NEXN: variants seen among roughly 807,000 people sequenced by gnomAD.
The protein encoded by NEXN is nexilin F-actin binding protein.
NEXN carries 65 observed loss-of-function variants against 92.6 expected under a neutral mutation model. The ratio of observed to expected loss-of-function variants is 0.70; its 90% CI spans 0.57 to 0.86. NEXN has a LOEUF of 0.86. NEXN is among the 40% of genes least tolerant of loss of function. The probability of loss-of-function intolerance (pLI) is 0.00; values close to 1 mark genes in which losing one functional copy is unlikely to be tolerated. For synonymous variants in NEXN, 254 were observed against 242.5 expected (o/e 1.05, Z -0.44); for missense variants, 778 against 771.1 (o/e 1.01, Z -0.11).
Position 77,933,477 on chromosome 1 carries a change from G to C in NEXN, c.1249G>C (p.Glu417Gln). 6.3e-7 allele frequency: 1 copy of C among 1,599,630 alleles called. No individual in the cohort carries two copies. ...TGAACAACTGAGACAGGAAATGGGA[G>C]AGGTAAGATTTTAAGAAATATCTAT... is the stretch of plus-strand genomic sequence containing the variant. ...EFEQLRQEMG[E>Q]EEEENETFGL... Residue 417 changes from glutamate (E) to glutamine (Q), a missense_variant and splice_region_variant, in exon 10 of 13, where the codon GAG (glutamate) becomes CAG (glutamine). Glu to Gln is a conservative substitution (Grantham distance 29). Transcript: ENST00000334785.
chr1:77,922,970 T>C (rs1649551860), intron 5 of NEXN, among the ~76,000 whole-genome samples: 1 of 150,534 alleles, frequency 6.6e-6, no homozygotes, highest in East Asian at 1.9e-4. Context: ...CAAACTTTGC[T>C]CAGAATAATT....
intron 8 of NEXN, 97 bp downstream of exon 8, chr1:77,926,989 AG>A (rs1649902463): frequency 5.5e-6 from 8 of 1,442,786 alleles, no homozygotes; most frequent in Non-Finnish European, 6.7e-6. Context: ...TTTTACATAT[AG>A]AAGGGCTGAT....
chr1:77,930,357 T>G (rs1285732811), intron 9 of NEXN, among the ~76,000 whole-genome samples: 1 of 152,208 alleles, frequency 6.6e-6, no homozygotes, highest in Non-Finnish European at 1.5e-5. Flanking sequence ...TAAATCACTA[T>G]GAAATCTGTC....
chr1:77,895,291 C>T (rs970969692), intron 1 of NEXN, among the ~76,000 whole-genome samples: 2 of 151,566 alleles, frequency 1.3e-5, no homozygotes, highest in Non-Finnish European at 2.9e-5. Flanking sequence ...TTGATCCGCC[C>T]GCCTTGGCCT....
chr1:77,933,530 T>G, intron 10 of NEXN, 51 bp downstream of exon 10: 1 of 1,233,212 alleles, frequency 8.1e-7, no homozygotes, highest in Non-Finnish European at 1.2e-6. Context: ...AGCTAAATAT[T>G]TTACTTATAT....
chr1:77,892,317 C>T (rs988793858), intron 1 of NEXN, among the ~76,000 whole-genome samples: 2 of 151,956 alleles, frequency 1.3e-5, no homozygotes, highest in African/African-American at 4.8e-5. Flanking sequence ...TACCTGTCAC[C>T]CAAATAGTGT....
At chr1:77,925,970 T>A (rs1305907642) in intron 6 of NEXN, among the ~76,000 whole-genome samples, 21 of 152,142 alleles carry the variant, frequency 1.4e-4, no homozygotes, top group South Asian at 8.3e-4. Flanking sequence ...TGTTTTTTTC[T>A]CACTAAATAC....
chr1:77,932,787 TTTTA>T (rs1440313498), intron 9 of NEXN, among the ~76,000 whole-genome samples: 9 of 152,350 alleles, frequency 5.9e-5, no homozygotes, highest in East Asian at 3.9e-4. Flanking sequence ...AATTCTTCCC[TTTTA>T]TTTATTTATT....
chr1:77,912,052 C>T (rs137989711), intron 1 of NEXN, among the ~76,000 whole-genome samples: 4,073 of 149,002 alleles, frequency 0.027, 99 homozygotes, highest in South Asian at 0.11. Flanking sequence ...GCACTCCAGT[C>T]TGGGCGACAG....
At chr1:77,916,173 T>C (rs925318746) in intron 2 of NEXN, 40 bp downstream of exon 2, 1 of 1,512,770 alleles carries the variant, frequency 6.6e-7, no homozygotes, top group South Asian at 1.2e-5. Context: ...AAGAGGGAAA[T>C]GTAGAGTTGA....
At chr1:77,925,906 A>G (rs1321731001) in intron 6 of NEXN, among the ~76,000 whole-genome samples, 1 of 152,036 alleles carries the variant, frequency 6.6e-6, no homozygotes, top group African/African-American at 2.4e-5. Context: ...ATCAAATACC[A>G]GAGAGTTTAT....
intron 1 of NEXN, among the ~76,000 whole-genome samples, chr1:77,893,185 C>T (rs921051057): frequency 3.3e-5 from 5 of 152,002 alleles, no homozygotes; most frequent in Non-Finnish European, 4.4e-5. Context: ...AATTCTACTC[C>T]CTGTCCATTT....
intron 1 of NEXN, among the ~76,000 whole-genome samples, chr1:77,910,762 A>ACC (rs1553235537): frequency 3.7e-5 from 5 of 135,370 alleles, no homozygotes; most frequent in Middle Eastern, 3.8e-3. Flanking sequence ...AAAAAAAAAA[A>ACC]AAAAAAAAAC....
intron 11 of NEXN, among the ~76,000 whole-genome samples, chr1:77,936,756 T>C (rs1650800604): frequency 6.6e-6 from 1 of 152,216 alleles, no homozygotes; most frequent in Non-Finnish European, 1.5e-5. Flanking sequence ...AGAATTGCCA[T>C]CCTATAATAT....
At chr1:77,914,276 C>T (rs1056609306) in intron 1 of NEXN, among the ~76,000 whole-genome samples, 10 of 152,044 alleles carry the variant, frequency 6.6e-5, no homozygotes, top group Admixed American at 2.0e-4. Flanking sequence ...TCATTTATAA[C>T]AAATGTACCA....
At chr1:77,899,893 C>T (rs1647559243) in intron 1 of NEXN, among the ~76,000 whole-genome samples, 1 of 152,100 alleles carries the variant, frequency 6.6e-6, no homozygotes, top group African/African-American at 2.4e-5. Flanking sequence ...CTAATTCAGG[C>T]CCTTATCTTC....
At chr1:77,941,391 C>A (rs1270107619) in intron 11 of NEXN, among the ~76,000 whole-genome samples, 1 of 152,156 alleles carries the variant, frequency 6.6e-6, no homozygotes, top group African/African-American at 2.4e-5. Context: ...AGACTCTGCT[C>A]TTAAATCACT....
chr1:77,939,293 ATAAGG>A (rs1387333510), intron 11 of NEXN, among the ~76,000 whole-genome samples: 2 of 152,184 alleles, frequency 1.3e-5, no homozygotes, highest in Non-Finnish European at 2.9e-5. Context: ...TGATATTTGG[ATAAGG>A]TAAAGGCAGT....
intron 1 of NEXN, among the ~76,000 whole-genome samples, chr1:77,910,030 T>G (rs1205752642): frequency 6.6e-6 from 1 of 152,240 alleles, no homozygotes; most frequent in Non-Finnish European, 1.5e-5. Context: ...CTAGGAATGT[T>G]AAGGTTGATT....
Sources: allele counts gnomAD v4.1 joint callset (sites outside exome capture counted in the v4.1 genomes callset), GRCh38; gene constraint gnomAD v4.1.1; transcripts MANE v1.5; gene names NCBI Gene and HGNC (gene_info 2026-07-23, HGNC 2026-07-21).